SMARCE1: variants seen among roughly 807,000 people sequenced by gnomAD.
The protein encoded by SMARCE1 is SWI/SNF-related matrix-associated actin-dependent regulator of chromatin subfamily E member 1.
In SMARCE1, 13 loss-of-function variants were observed where a neutral mutation model predicts 54.9. The ratio of observed to expected loss-of-function variants is 0.24; its 90% CI spans 0.15 to 0.38. The LOEUF (loss-of-function observed/expected upper bound fraction) is 0.38, where lower values mean the gene tolerates loss of function less well. Among genes scored for constraint, SMARCE1 ranks in the 10% least tolerant of loss-of-function variants. SMARCE1 has a pLI of 1.00. For missense variants in SMARCE1, 295 were observed against 523.8 expected, an observed-to-expected ratio of 0.56 and a Z score of 4.26; for synonymous variants, 151 against 175.3, an observed-to-expected ratio of 0.86 and a Z score of 1.10.
intron 1 of SMARCE1, 123 bp downstream of exon 1, chr17:40,647,650 C>T (rs117337007): frequency 0.016 from 2,494 of 152,918 alleles, 40 homozygotes; most frequent in Middle Eastern, 0.098. Flanking sequence ...TCAACCGGCT[C>T]CTGGCTCTGG....
In SMARCE1 at chr17:40,631,608, T is replaced by G; in HGVS notation, c.800A>C (p.Asn267Thr). ...RKFLESTDSF[N>T]NELKRLCGLK... ...AACAGATACCCTTTTAAGTTCATTGTTAAATGAATCTGTGCTTTCCAGGAA... is the reference window on the plus strand; with the variant it reads ...AACAGATACCCTTTTAAGTTCATTGGTAAATGAATCTGTGCTTTCCAGGAA... The change falls in exon 9 of 11, where the codon AAC (asparagine) becomes ACC (threonine). Residue 267 changes from asparagine (N) to threonine (T), a missense_variant. Asn to Thr is a moderately conservative substitution (Grantham distance 65). Coordinates refer to ENST00000348513, the MANE Select transcript of SMARCE1 (RefSeq NM_003079.5). 2.5e-6 allele frequency: 4 copies of G among 1,570,842 alleles called. No homozygotes were observed. Among genetic ancestry groups the G allele is most frequent in the Non-Finnish European group, 3.5e-6 (4 of 1,141,348 alleles).
chr17:40,636,719 C>T (rs2037148990), intron 5 of SMARCE1, 193 bp from the exon 6 acceptor site: 1 of 496,104 alleles, frequency 2.0e-6, no homozygotes, highest in East Asian at 3.3e-5. Context: ...TACTGGATTA[C>T]TTTAAGATAG....
intron 10 of SMARCE1, chr17:40,629,705 G>T: frequency 2.5e-6 from 1 of 398,908 alleles, no homozygotes; most frequent in Non-Finnish European, 4.4e-6. Context: ...ATTCATAGAT[G>T]CCAAAACAGA....
Position 40,628,649 on chromosome 17 carries a change from T to TAA in SMARCE1, c.*134_*135dup. ...GACTGAGCCATTAGGCTCATGATGC[T>TAA]AAATGGTCCAAAAGCCTTTGGTGGT... On this transcript the variant is annotated 3_prime_UTR_variant, in exon 11 of 11. Coordinates refer to ENST00000348513, the MANE Select transcript of SMARCE1 (RefSeq NM_003079.5). The TAA allele has an allele frequency of 1.5e-6, 1 of 649,974 alleles. No homozygotes were observed. The highest frequency in any genetic ancestry group is 1.9e-5 in the South Asian group (1 of 53,024). 40.3% of individuals were successfully genotyped at this position (649,974 alleles called of 1,614,324 possible).
At chr17:40,637,275 CTTAAGGATT>C (rs1454945515) in intron 5 of SMARCE1, 3 of 564,756 alleles carry the variant, frequency 5.3e-6, no homozygotes, top group Non-Finnish European at 9.5e-6. Context: ...AACATTCTAT[CTTAAGGATT>C]TTAACAGTTT....
At chr17:40,631,784 G>C (rs2037098042) in intron 8 of SMARCE1, 91 bp from the exon 9 acceptor site, 3 of 740,698 alleles carry the variant, frequency 4.1e-6, no homozygotes, top group Non-Finnish European at 4.7e-6. Flanking sequence ...TTGAACTTTA[G>C]ATCATTTATC....
Position 40,631,623 on chromosome 17 carries a change from C to A in SMARCE1, c.785G>T (p.Ser262Ile). The change falls in exon 9 of 11, where the codon AGC becomes ATC. Residue 262 changes from serine to isoleucine, a missense_variant. Around this residue, in one of 5 missense-constraint regions of SMARCE1, gnomAD observed 101 missense variants for 183.1 expected, o/e 0.55. Transcript: ENST00000348513. ...AAGTTCATTGTTAAATGAATCTGTG[C>A]TTTCCAGGAATTTCCTCTTCTTCTC... ...HQEKKRKFLE[S>I]TDSFNNELKR... 4 of 1,605,444 alleles carry A rather than the reference C, an allele frequency of 2.5e-6. No homozygotes were observed. Among genetic ancestry groups the A allele is most frequent in the Non-Finnish European group, 3.4e-6 (4 of 1,172,564 alleles).
chr17:40,630,191 T>G (rs1361488639), intron 10 of SMARCE1: 2 of 1,160,914 alleles, frequency 1.7e-6, no homozygotes, highest in Non-Finnish European at 2.5e-6. Context: ...ATACAAGTTA[T>G]TATTATTATT....
At chr17:40,630,167 T>C (rs1256757590) in intron 10 of SMARCE1, 2 of 1,017,298 alleles carry the variant, frequency 2.0e-6, no homozygotes, top group East Asian at 2.6e-5. Flanking sequence ...CAGTACTTTA[T>C]GTAAGTTTTA....
chr17:40,626,440 AT>A lies in SMARCE1; in HGVS notation c.*2344del, dbSNP rs1272517612. On this transcript the variant is annotated 3_prime_UTR_variant, in exon 11 of 11. Coordinates refer to ENST00000348513, the MANE Select transcript of SMARCE1 (RefSeq NM_003079.5). ...CTACTTGCCCAGCACCTTTTGGGAC[AT>A]GGGAAAAAAACAAAGACCTCTACCA... 6 of 152,194 alleles carry A rather than the reference AT, an allele frequency of 3.9e-5. No individual in the cohort carries two copies. The highest frequency in any genetic ancestry group is 1.2e-4 in the African/African-American group (5 of 41,436). 9.4% of individuals were successfully genotyped at this position (152,194 alleles called of 1,614,324 possible).
At chr17:40,637,328 C>T in intron 5 of SMARCE1, 164 bp downstream of exon 5, 1 of 657,678 alleles carries the variant, frequency 1.5e-6, no homozygotes, top group Non-Finnish European at 2.8e-6. Context: ...GATTTTAGTT[C>T]TGGAATTTTG....
At chr17:40,640,973 CAAGTT>C (rs2037193922) in intron 4 of SMARCE1, 1 of 152,124 alleles carries the variant, frequency 6.6e-6, no homozygotes, top group Admixed American at 6.5e-5. Context: ...CAGCTACATC[CAAGTT>C]AAGAGCAAAA....
intron 9 of SMARCE1, chr17:40,631,315 T>C (rs1347822079): frequency 3.0e-6 from 1 of 334,754 alleles, no homozygotes; most frequent in East Asian, 5.4e-5. Flanking sequence ...AAAATGAAAG[T>C]AATTAATGAC....
chr17:40,629,426 A>C (rs569123635), intron 10 of SMARCE1: 1 of 691,522 alleles, frequency 1.4e-6, no homozygotes. Context: ...ATAAAATTTC[A>C]CGTGACTTGC....
intron 7 of SMARCE1, chr17:40,634,466 G>C (rs1425444411): frequency 1.3e-5 from 2 of 152,230 alleles, no homozygotes; most frequent in South Asian, 4.1e-4. Flanking sequence ...TGTTAAAGAA[G>C]TCAGTAGCTG....
intron 7 of SMARCE1, chr17:40,634,138 T>A (rs1034864780): frequency 6.6e-6 from 1 of 152,350 alleles, no homozygotes; most frequent in African/African-American, 2.4e-5. Context: ...CTTTTTTTTT[T>A]CTTTTTTTTG....
At chr17:40,631,201 C>A (rs374816782) in intron 9 of SMARCE1, 1 of 359,716 alleles carries the variant, frequency 2.8e-6, no homozygotes, top group Non-Finnish European at 4.9e-6. Flanking sequence ...ATACATAAGG[C>A]TTCCGTTTTA....
At chr17:40,637,927 C>T (rs1170435626) in intron 4 of SMARCE1, among the ~76,000 whole-genome samples, 1 of 152,172 alleles carries the variant, frequency 6.6e-6, no homozygotes, top group Non-Finnish European at 1.5e-5. Flanking sequence ...TACCATTACA[C>T]ATACAGTCAA....
chr17:40,639,035 C>A (rs992584596), intron 4 of SMARCE1, among the ~76,000 whole-genome samples: 1 of 152,190 alleles, frequency 6.6e-6, no homozygotes, highest in Non-Finnish European at 1.5e-5. Context: ...AGCAGTATTT[C>A]CTCTCTTTCC....
Sources: allele counts gnomAD v4.1 joint callset (sites outside exome capture counted in the v4.1 genomes callset), GRCh38; gene constraint gnomAD v4.1.1; regional missense constraint gnomAD v4.1.1; transcripts MANE v1.5; gene names NCBI Gene and HGNC (gene_info 2026-07-23, HGNC 2026-07-21).